CDHR4: variants seen among roughly 807,000 people sequenced by gnomAD.
CDHR4 encodes cadherin-related family member 4.
A neutral mutation model predicts 88.4 loss-of-function variants in CDHR4; 89 were observed. The observed-to-expected ratio is 1.01, with a 90% CI of 0.85 to 1.20. The LOEUF is 1.20. Ranked by LOEUF, CDHR4 falls within the 50% of genes most tolerant of loss-of-function variation. CDHR4 has a pLI of 0.00. For missense variants in CDHR4, 914 were observed against 1,007.2 expected (o/e 0.91, Z 1.25); for synonymous variants, 368 against 399.2 (o/e 0.92, Z 0.93).
At chr3:49,796,069 A>G (rs769667706) in intron 5 of CDHR4, 23 bp from the exon 6 acceptor site, 1 of 1,476,732 alleles carries the variant, frequency 6.8e-7, no homozygotes, top group Non-Finnish European at 9.0e-7. Context: ...CAGAACAGAA[A>G]AGGAGCCAGA....
upstream of CDHR4, among the ~76,000 whole-genome samples, chr3:49,800,915 G>GCC (rs2081351700): frequency 6.6e-6 from 1 of 151,610 alleles, no homozygotes; most frequent in African/African-American, 2.4e-5. Flanking sequence ...AGCTGAGTGT[G>GCC]GTGGCACATG....
At chr3:49,793,397 G>A (rs983143393) in intron 12 of CDHR4, 86 bp from the exon 13 acceptor site, 11 of 1,488,042 alleles carry the variant, frequency 7.4e-6, no homozygotes, top group East Asian at 4.9e-5. Flanking sequence ...CACCACAGCC[G>A]TAGCCTAGGC....
intron 1 of CDHR4, 26 bp downstream of exon 1, chr3:49,799,738 G>C (rs760418795): frequency 2.5e-6 from 4 of 1,612,472 alleles, no homozygotes; most frequent in East Asian, 2.2e-5. Flanking sequence ...GGAAAACTAC[G>C]GTTCCCCCAC....
At chr3:49,792,637 C>T (rs373798836) in intron 14 of CDHR4, 27 bp from the exon 15 acceptor site, 1 of 1,550,540 alleles carries the variant, frequency 6.4e-7, no homozygotes, top group African/African-American at 1.4e-5. Flanking sequence ...AGCCTCACCA[C>T]TGCCTTGCCA....
At chr3:49,800,169 A>G (rs184213333), upstream of CDHR4, among the ~76,000 whole-genome samples, 15 of 152,326 alleles carry the variant, frequency 9.8e-5, no homozygotes, top group Admixed American at 9.8e-4. Context: ...TCTCAACTCC[A>G]GCTGGACCCC....
chr3:49,802,152 C>T (rs1447861370), upstream of CDHR4, among the ~76,000 whole-genome samples: 2 of 151,550 alleles, frequency 1.3e-5, no homozygotes, highest in Non-Finnish European at 2.9e-5. Flanking sequence ...CCTTCTTCTC[C>T]TTCTCCTCCT....
At chr3:49,794,819 C>T in intron 9 of CDHR4, 118 bp from the exon 10 acceptor site, 1 of 1,445,082 alleles carries the variant, frequency 6.9e-7, no homozygotes, top group South Asian at 1.3e-5. Flanking sequence ...GTTTTCCAGA[C>T]TGCAACACAG....
In CDHR4 at chr3:49,793,004, G is replaced by A. The variant is rs1448737850; in HGVS notation, c.1845C>T (p.Phe615=). The part of the protein sequence containing the change: ...LVHSDLVLGP[F]WPEQPRTYEL... ...CATAGGTACGGGGCTGCTCTGGCCA[G>A]AACGGCCCCAACACAAGGTCACTGT... The change falls in exon 14 of 19, where the codon TTC becomes TTT. Residue 615 remains phenylalanine, a synonymous_variant. Transcript: ENST00000412678. 2 of 1,551,586 alleles carry A rather than the reference G, an allele frequency of 1.3e-6. No individual in the cohort carries two copies. Among genetic ancestry groups the A allele is most frequent in the African/African-American group, 2.7e-5 (2 of 73,068 alleles).
intron 12 of CDHR4, 63 bp downstream of exon 12, chr3:49,793,520 A>G: frequency 6.5e-7 from 1 of 1,538,044 alleles, no homozygotes; most frequent in African/African-American, 1.4e-5. Context: ...GCAGAACACC[A>G]CAGGGCAATC....
Position 49,793,912 on chromosome 3 carries a change from G to A in CDHR4, c.1374C>T (p.Pro458=). 6.4e-7 allele frequency: 1 copy of A among 1,551,780 alleles called. No homozygotes were observed. Among genetic ancestry groups the A allele is most frequent in the South Asian group, 1.2e-5 (1 of 84,068 alleles). Residue 458 remains proline (P), a synonymous_variant, in exon 11 of 19, where the codon CCC becomes CCT. Coordinates refer to ENST00000412678, the MANE Select transcript of CDHR4 (RefSeq NM_001007540.4). The part of the protein sequence containing the change: ...RTFRVQEDAA[P]HTLLGSVVGT... ...CCACCACGGAGCCCAGTAGAGTGTG[G>A]GGCGCCGCATCCTCCTGAACCCGGA... is the stretch of plus-strand genomic sequence containing the variant.
intron 10 of CDHR4, 114 bp from the exon 11 acceptor site, chr3:49,794,120 T>C: frequency 1.9e-6 from 2 of 1,046,312 alleles, no homozygotes; most frequent in Non-Finnish European, 2.8e-6. Context: ...GAGGGTCTGC[T>C]GGGCGTGGTG....
At position 49,795,092 on chromosome 3, in the gene CDHR4, A is replaced by C; in HGVS notation, c.1040T>G (p.Ile347Ser). 2 of 1,551,624 alleles carry C rather than the reference A, an allele frequency of 1.3e-6. No homozygotes were observed. Among genetic ancestry groups the C allele is most frequent in the Non-Finnish European group, 1.7e-6 (2 of 1,146,998 alleles). The change falls in exon 9 of 19, where the codon ATC becomes AGC. Residue 347 changes from isoleucine (I) to serine (S), a missense_variant. Transcript: ENST00000412678. The surrounding 1 kb of genome is among the most constrained non-coding windows in gnomAD (Gnocchi z 5.4). ...RCLPALLVSQIPETAPVGTVL... is the reference protein window; with the variant it reads ...RCLPALLVSQSPETAPVGTVL... ...GGTGCCCACGGGTGCAGTCTCCGGG[A>C]TTTGGGACCTGAGAGTATGCAGTGG... is the stretch of plus-strand genomic sequence containing the variant.
chr3:49,798,448 C>T (rs1238036890), intron 4 of CDHR4: 5 of 237,878 alleles, frequency 2.1e-5, no homozygotes, highest in East Asian at 8.7e-5. Context: ...ATTAGCCGGG[C>T]GTGGTGGCGG....
intron 4 of CDHR4, among the ~76,000 whole-genome samples, chr3:49,798,006 C>G (rs1377588280): frequency 6.7e-6 from 1 of 149,540 alleles, no homozygotes; most frequent in East Asian, 2.0e-4. Context: ...CTCCTGGGTT[C>G]AAGCGATGCT....
At position 49,799,672 on chromosome 3, in the gene CDHR4, C is replaced by A. The variant is rs1033277414; in HGVS notation, c.49+92G>T. The A allele has an allele frequency of 5.7e-6, 8 of 1,402,264 alleles. No homozygotes were observed. In the African/African-American group the frequency reaches 1.0e-4, roughly 18 times the overall value. 86.9% of individuals were successfully genotyped at this position (1,402,264 alleles called of 1,614,324 possible). A position where few individuals can be genotyped will look rare whatever the true frequency, so the allele number is the denominator to read the frequency against. On this transcript the variant is annotated intron_variant, in intron 1 of 18. Transcript: ENST00000412678. ...TTCAGATTCTTACACTTTCCTACCT[C>A]TCCCCCAATCCCTGTCCTCCATGGT... is the stretch of plus-strand genomic sequence containing the variant.
intron 15 of CDHR4, 147 bp from the exon 16 acceptor site, chr3:49,792,106 C>G: frequency 1.2e-6 from 1 of 859,850 alleles, no homozygotes; most frequent in Non-Finnish European, 1.8e-6. Context: ...TCCCTGGGCT[C>G]AGTCCTATGT....
Position 49,792,422 on chromosome 3 carries a change from T to G in CDHR4, c.2138+46A>C, listed in dbSNP as rs888791243. The G allele has an allele frequency of 5.2e-6, 8 of 1,547,926 alleles. No individual in the cohort carries two copies. In the African/African-American group the frequency reaches 1.1e-4, roughly 21 times the overall value. On this transcript the variant is annotated intron_variant, in intron 15 of 18. Transcript: ENST00000412678. ...AACCACCCATCACAACTGGGGTCCA[T>G]AGGTGGGTTGGGGGCAAGTAGGGAG...
chr3:49,801,990 G>GT (rs1292092425), upstream of CDHR4, among the ~76,000 whole-genome samples: 1 of 152,174 alleles, frequency 6.6e-6, no homozygotes, highest in African/African-American at 2.4e-5. Context: ...TTAGAGCCTG[G>GT]TTTTGCTGAC....
At chr3:49,791,575 C>G in intron 17 of CDHR4, 107 bp from the exon 18 acceptor site, 1 of 1,478,126 alleles carries the variant, frequency 6.8e-7, no homozygotes, top group Non-Finnish European at 9.2e-7. Context: ...CTCCTCCATT[C>G]TGATGGTGCT....
Sources: gnomAD v4.1 joint callset for allele counts (sites outside exome capture counted in the v4.1 genomes callset) on GRCh38, gnomAD v4.1.1 for gene constraint, Gnocchi (gnomAD v3.1) non-coding constraint, MANE v1.5 for transcripts, NCBI Gene and HGNC (gene_info 2026-07-23, HGNC 2026-07-21) for gene names.